SENP8: variants seen among roughly 807,000 people sequenced by gnomAD.
SENP8 encodes the protein SUMO peptidase family member, NEDD8 specific.
In SENP8, 10 loss-of-function variants were observed where a neutral mutation model predicts 14.4. The observed-to-expected ratio is 0.69, with a 90% CI of 0.43 to 1.18. SENP8 has a LOEUF of 1.18. Ranked by LOEUF, SENP8 falls within the 50% of genes most tolerant of loss-of-function variation. The probability of loss-of-function intolerance (pLI) is 0.00; values close to 1 mark genes in which losing one functional copy is unlikely to be tolerated. For synonymous variants in SENP8, 94 were observed against 95.5 expected, an observed-to-expected ratio of 0.98 and a Z score of 0.09; for missense variants, 202 against 249.4, an observed-to-expected ratio of 0.81 and a Z score of 1.28.
At chr15:72,120,075 A>G (rs2081149142) in intron 1 of SENP8, among the ~76,000 whole-genome samples, 1 of 152,224 alleles carries the variant, frequency 6.6e-6, no homozygotes, top group South Asian at 2.1e-4. Context: ...TCCAGAGCTA[A>G]GCCAATTTAT....
chr15:72,125,698 A>G (rs957256112), intron 1 of SENP8, among the ~76,000 whole-genome samples: 4 of 152,154 alleles, frequency 2.6e-5, no homozygotes, highest in Non-Finnish European at 4.4e-5. Flanking sequence ...ATCATACGAA[A>G]AAAAGTTAAA....
Position 72,140,312 on chromosome 15 carries a change from C to A in SENP8, c.*50C>A. The A allele has an allele frequency of 7.4e-7, 1 of 1,354,794 alleles. No individual in the cohort carries two copies. Among genetic ancestry groups the A allele is most frequent in the East Asian group, 2.3e-5 (1 of 43,488 alleles). 83.9% of individuals were successfully genotyped at this position (1,354,794 alleles called of 1,614,324 possible). A position where few individuals can be genotyped will look rare whatever the true frequency, so the allele number is the denominator to read the frequency against. On this transcript the variant is annotated 3_prime_UTR_variant, in exon 2 of 2. Coordinates refer to ENST00000340912, the MANE Select transcript of SENP8 (RefSeq NM_145204.4). ...TGAAGGCTCCTCTTTCTGCCCTTCC[C>A]CATTTGTTGGATGGCTGCAATCTCA... is the stretch of plus-strand genomic sequence containing the variant.
At chr15:72,120,536 A>C (rs962556248) in intron 1 of SENP8, among the ~76,000 whole-genome samples, 1 of 152,230 alleles carries the variant, frequency 6.6e-6, no homozygotes, top group Non-Finnish European at 1.5e-5. Flanking sequence ...AGTACAAAAA[A>C]GGTTCTTAAC....
In SENP8 at chr15:72,142,441, C is replaced by T. The variant is rs918276205; in HGVS notation, c.*2179C>T. On this transcript the variant is annotated 3_prime_UTR_variant, in exon 2 of 2. Transcript: ENST00000340912. ...AAATCTTTTGCTGGTATTGCGTTCC[C>T]TTCTCTCTTAGAGTCAAAAGGATCT... 6.6e-6 allele frequency: 1 copy of T among 152,198 alleles called. No homozygotes were observed. Among genetic ancestry groups the T allele is most frequent in the African/African-American group, 2.4e-5 (1 of 41,446 alleles). 9.4% of individuals were successfully genotyped at this position (152,198 alleles called of 1,614,324 possible).
At chr15:72,118,521 A>G (rs751664189) in intron 1 of SENP8, 57 bp downstream of exon 1, 1 of 151,656 alleles carries the variant, frequency 6.6e-6, no homozygotes, top group African/African-American at 2.4e-5. Context: ...TCTCCCACCC[A>G]CTCAGATTCT....
rs2081391456 is a variant in SENP8 at position 72,143,222 on chromosome 15, C to T, written c.*2960C>T. ...TCAAAAAAAAAAAAAAAAGTATTTA[C>T]AGAAATGTACATGCTATGGTGTTAG... On this transcript the variant is annotated 3_prime_UTR_variant, in exon 2 of 2. Coordinates refer to ENST00000340912, the MANE Select transcript of SENP8 (RefSeq NM_145204.4). 1 of 151,188 alleles carries T rather than the reference C, an allele frequency of 6.6e-6. No individual in the cohort carries two copies. 9.4% of individuals were successfully genotyped at this position (151,188 alleles called of 1,614,324 possible).
rs1443443605 is a variant in SENP8 at position 72,142,659 on chromosome 15, G to A, written c.*2397G>A. ...CCATATATAAACCCAGCTATAAATG[G>A]TTGTAGAAAATATAAGTATCAGTGG... is the stretch of plus-strand genomic sequence containing the variant. On this transcript the variant is annotated 3_prime_UTR_variant, in exon 2 of 2. Transcript: ENST00000340912. 1 of 152,146 alleles carries A rather than the reference G, an allele frequency of 6.6e-6. No individual in the cohort carries two copies. The highest frequency in any genetic ancestry group is 2.4e-5 in the African/African-American group (1 of 41,440). The allele number at this position is 152,146 out of a possible 1,614,324, so 9.4% of individuals were successfully genotyped here.
At position 72,140,367 on chromosome 15, in the gene SENP8, AAG is replaced by A. The variant is rs2081370467; in HGVS notation, c.*106_*107del. 2 of 773,956 alleles carry A rather than the reference AAG, an allele frequency of 2.6e-6. No homozygotes were observed. The highest frequency in any genetic ancestry group is 3.5e-5 in the African/African-American group (2 of 57,368). The allele number at this position is 773,956 out of a possible 1,614,324, so 47.9% of individuals were successfully genotyped here. A position where few individuals can be genotyped will look rare whatever the true frequency, so the allele number is the denominator to read the frequency against. ...CTGAGGGAAGATGCCTAGTAGAGGA[AAG>A]CTTAATACTCTTTTTCCTGAAAGAA... On this transcript the variant is annotated 3_prime_UTR_variant, in exon 2 of 2. Transcript: ENST00000340912.
At chr15:72,138,259 G>A (rs1242691014) in intron 1 of SENP8, among the ~76,000 whole-genome samples, 1 of 151,914 alleles carries the variant, frequency 6.6e-6, no homozygotes, top group Non-Finnish European at 1.5e-5. Context: ...TAGCACATAA[G>A]CTAGAATTTC....
In SENP8 at chr15:72,141,451, C is replaced by G. The variant is rs1395289768; in HGVS notation, c.*1189C>G. ...GACATGTTAGGTACACAAATTAATT[C>G]TATTCCTAATGAGAATTAGATTGCA... On this transcript the variant is annotated 3_prime_UTR_variant, in exon 2 of 2. Transcript: ENST00000340912. The G allele has an allele frequency of 6.6e-6, 1 of 152,116 alleles. No homozygotes were observed. Among genetic ancestry groups the G allele is most frequent in the Non-Finnish European group, 1.5e-5 (1 of 68,010 alleles). 9.4% of individuals were successfully genotyped at this position (152,116 alleles called of 1,614,324 possible).
chr15:72,123,831 C>T (rs2081189590), intron 1 of SENP8, among the ~76,000 whole-genome samples: 1 of 152,176 alleles, frequency 6.6e-6, no homozygotes, highest in South Asian at 2.1e-4. Context: ...TGAGCCACCG[C>T]ACCCAGCCTA....
chr15:72,126,571 G>A (rs1262978201), intron 1 of SENP8, among the ~76,000 whole-genome samples: 1 of 152,186 alleles, frequency 6.6e-6, no homozygotes, highest in Admixed American at 6.5e-5. Context: ...GTTGCAGTGA[G>A]CCGAGATTGC....
chr15:72,135,282 G>A (rs559838152), intron 1 of SENP8: 9 of 164,840 alleles, frequency 5.5e-5, no homozygotes, highest in Admixed American at 5.2e-4. Flanking sequence ...GGCTGGTCTC[G>A]AACTCCTGGC....
intron 1 of SENP8, among the ~76,000 whole-genome samples, chr15:72,129,791 G>A (rs1366824514): frequency 6.6e-6 from 1 of 150,726 alleles, no homozygotes; most frequent in Non-Finnish European, 1.5e-5. Flanking sequence ...TGCAGTGGCC[G>A]TGATTGCACC....
chr15:72,134,976 GA>G, intron 1 of SENP8: 4 of 308,704 alleles, frequency 1.3e-5, no homozygotes, highest in South Asian at 2.9e-5. Flanking sequence ...AAAATGATCA[GA>G]AAAAGAAGGA....
Position 72,143,296 on chromosome 15 carries a change from C to T in SENP8, c.*3034C>T, listed in dbSNP as rs1281059491. The T allele has an allele frequency of 6.6e-6, 1 of 151,960 alleles. No homozygotes were observed. Among genetic ancestry groups the T allele is most frequent in the East Asian group, 1.9e-4 (1 of 5,198 alleles). 9.4% of individuals were successfully genotyped at this position (151,960 alleles called of 1,614,324 possible). A position where few individuals can be genotyped will look rare whatever the true frequency, so the allele number is the denominator to read the frequency against. ...CTGTCAGATTCAGTAGTCTCATCTACAAAATAAACCTTGTTTTCCTTCTGT... is the reference window on the plus strand; with the variant it reads ...CTGTCAGATTCAGTAGTCTCATCTATAAAATAAACCTTGTTTTCCTTCTGT... On this transcript the variant is annotated 3_prime_UTR_variant, in exon 2 of 2. Coordinates refer to ENST00000340912, the MANE Select transcript of SENP8 (RefSeq NM_145204.4).
At chr15:72,126,432 G>T (rs2081220097) in intron 1 of SENP8, among the ~76,000 whole-genome samples, 1 of 151,864 alleles carries the variant, frequency 6.6e-6, no homozygotes, top group African/African-American at 2.4e-5. Context: ...GACCAGCCTG[G>T]CCAAGCTGGT....
intron 1 of SENP8, among the ~76,000 whole-genome samples, chr15:72,129,340 G>A (rs569692360): frequency 5.7e-4 from 87 of 152,032 alleles, no homozygotes; most frequent in African/African-American, 1.9e-3. Context: ...GACGGCCTGG[G>A]CAGCATAATG....
chr15:72,118,117 G>T, upstream of SENP8: 2 of 384,778 alleles, frequency 5.2e-6, no homozygotes, highest in South Asian at 1.4e-4. Flanking sequence ...CGCCCCGCGC[G>T]ACTCCCCGGC....
Sources: allele counts gnomAD v4.1 joint callset (sites outside exome capture counted in the v4.1 genomes callset), GRCh38; gene constraint gnomAD v4.1.1; transcripts MANE v1.5; gene names NCBI Gene and HGNC (gene_info 2026-07-23, HGNC 2026-07-21).